Variants in IL34 observed in about 807,000 individuals in gnomAD.
The protein encoded by IL34 is interleukin-34.
A neutral mutation model predicts 25.3 loss-of-function variants in IL34; 17 were observed. The ratio of observed to expected loss-of-function variants is 0.67; its 90% CI spans 0.46 to 1.01. The LOEUF is 1.01. Among genes scored for constraint, IL34 ranks in the 50% least tolerant of loss-of-function variants. The pLI is 0.00. For missense variants in IL34, 368 were observed against 312.9 expected, an observed-to-expected ratio of 1.18 and a Z score of -1.33; for synonymous variants, 174 against 140.9, an observed-to-expected ratio of 1.23 and a Z score of -1.66.
At chr16:70,581,469 C>G (rs1035768698) in intron 1 of IL34, among the ~76,000 whole-genome samples, 10 of 150,324 alleles carry the variant, frequency 6.7e-5, no homozygotes, top group Admixed American at 5.3e-4. Context: ...TATTCTGCAT[C>G]CAGAATGAAT....
At chr16:70,621,436 T>A (rs908844478) in intron 1 of IL34, among the ~76,000 whole-genome samples, 1 of 150,940 alleles carries the variant, frequency 6.6e-6, no homozygotes, top group Non-Finnish European at 1.5e-5. Context: ...GTGAGAGAGG[T>A]TGGAGAAGAG....
chr16:70,628,497 T>TTTATTTATTTA (rs57128087), intron 1 of IL34, among the ~76,000 whole-genome samples: 86 of 149,454 alleles, frequency 5.8e-4, no homozygotes, highest in Admixed American at 1.8e-3. Context: ...TTATTTATTT[T>TTTATTTATTTA]TTTTTTTGAG....
chr16:70,629,949 T>C (rs74435681), intron 1 of IL34, among the ~76,000 whole-genome samples: 6,814 of 152,226 alleles, frequency 0.045, 396 homozygotes, highest in African/African-American at 0.13. Context: ...CTAGCTCTTA[T>C]TCATTCTGTC....
chr16:70,615,106 C>T (rs368714890), intron 1 of IL34, among the ~76,000 whole-genome samples: 5 of 152,138 alleles, frequency 3.3e-5, no homozygotes, highest in African/African-American at 7.2e-5. Flanking sequence ...CCCCTGTTAC[C>T]CCCCAAATCT....
At chr16:70,652,920 A>T (rs1318411693) in intron 1 of IL34, among the ~76,000 whole-genome samples, 1 of 152,174 alleles carries the variant, frequency 6.6e-6, no homozygotes, top group Non-Finnish European at 1.5e-5. Context: ...AGCTGGGTGT[A>T]TGACCGGGCA....
chr16:70,624,960 G>C (rs575014330), intron 1 of IL34, among the ~76,000 whole-genome samples: 7 of 152,178 alleles, frequency 4.6e-5, no homozygotes, highest in African/African-American at 1.7e-4. Flanking sequence ...ATTGGGCACA[G>C]AGACTAGGAA....
At chr16:70,657,304 C>T in intron 4 of IL34, 183 bp downstream of exon 4, 1 of 621,122 alleles carries the variant, frequency 1.6e-6, no homozygotes, top group South Asian at 2.0e-5. Context: ...AAGGAAGAGG[C>T]AGCCGTGGTG....
At chr16:70,614,422 AG>A (rs2051143252) in intron 1 of IL34, among the ~76,000 whole-genome samples, 1 of 152,106 alleles carries the variant, frequency 6.6e-6, no homozygotes, top group African/African-American at 2.4e-5. Context: ...TGTCTGAGGG[AG>A]GGGCCTGGAG....
At chr16:70,600,227 A>G (rs1597739823) in intron 1 of IL34, among the ~76,000 whole-genome samples, 2 of 150,984 alleles carry the variant, frequency 1.3e-5, no homozygotes, top group Non-Finnish European at 3.0e-5. Context: ...ACCCCTCTCT[A>G]CCCCCTGCCA....
intron 1 of IL34, among the ~76,000 whole-genome samples, chr16:70,594,219 C>T (rs750147637): frequency 5.3e-5 from 8 of 152,188 alleles, no homozygotes; most frequent in Admixed American, 2.0e-4. Context: ...GAACAACCAT[C>T]TTAACAATAT....
intron 1 of IL34, among the ~76,000 whole-genome samples, chr16:70,610,404 T>C (rs1000231950): frequency 5.9e-5 from 9 of 152,170 alleles, no homozygotes; most frequent in African/African-American, 2.2e-4. Context: ...TGCTGGAATT[T>C]TGGCATCTGG....
intron 1 of IL34, among the ~76,000 whole-genome samples, chr16:70,651,157 A>G (rs1295564997): frequency 1.3e-5 from 2 of 152,030 alleles, no homozygotes; most frequent in Admixed American, 1.3e-4. Flanking sequence ...GCTGATGCAG[A>G]AAGGGGAGAC....
At chr16:70,657,279 A>G (rs2052256268) in intron 4 of IL34, 158 bp downstream of exon 4, 2 of 749,336 alleles carry the variant, frequency 2.7e-6, no homozygotes, top group Non-Finnish European at 2.1e-6. Context: ...GGGGTGCAGG[A>G]AAAGAGGCCT....
Position 70,585,711 on chromosome 16 carries a change from T to TTTTAGAGA in IL34, c.-401+5663_-401+5670dup, listed in dbSNP as rs2050686239. 2.0e-5 allele frequency among the ~76,000 whole-genome samples: 3 copies of TTTTAGAGA among 151,610 alleles called. No individual in the cohort carries two copies. The South Asian group carries it at 6.3e-4, about 32-fold the overall frequency. Reference sequence around the variant, plus strand: ...CTTAAAAAAAAAAAAATTTTTTTTTTTTTAGAGACAGGGTCTCCCTATGTT... The same window carrying TTTTAGAGA: ...CTTAAAAAAAAAAAAATTTTTTTTTTTTTAGAGATTTAGAGACAGGGTCTCCCTATGTT... On this transcript the variant is annotated intron_variant, in intron 1 of 6. Transcript: ENST00000429149.
intron 1 of IL34, among the ~76,000 whole-genome samples, chr16:70,602,151 T>C (rs2050927889): frequency 6.6e-6 from 1 of 152,224 alleles, no homozygotes; most frequent in East Asian, 1.9e-4. Context: ...ATGGTTGCAG[T>C]GAGCCGTGGA....
intron 1 of IL34, among the ~76,000 whole-genome samples, chr16:70,587,561 G>A (rs2050709420): frequency 6.6e-6 from 1 of 151,860 alleles, no homozygotes; most frequent in South Asian, 2.1e-4. Flanking sequence ...GTGAGCCACC[G>A]CGCCCCGCTG....
chr16:70,626,721 C>A (rs956384696), intron 1 of IL34, among the ~76,000 whole-genome samples: 1 of 151,802 alleles, frequency 6.6e-6, no homozygotes, highest in Non-Finnish European at 1.5e-5. Flanking sequence ...CCTATGTTTT[C>A]TTCTATTATT....
At chr16:70,640,998 G>C (rs8064220) in intron 1 of IL34, among the ~76,000 whole-genome samples, 23 of 152,010 alleles carry the variant, frequency 1.5e-4, no homozygotes, top group Non-Finnish European at 2.4e-4. Flanking sequence ...TTGCCTGGGC[G>C]TGGTGGCTCA....
At chr16:70,644,060 C>T (rs553523885), upstream of IL34, among the ~76,000 whole-genome samples, 32 of 152,226 alleles carry the variant, frequency 2.1e-4, 1 homozygote, top group South Asian at 2.1e-3. Flanking sequence ...CTGCAACCTC[C>T]GCCTCCTGGG....
Sources: allele counts gnomAD v4.1 joint callset (sites outside exome capture counted in the v4.1 genomes callset), GRCh38; gene constraint gnomAD v4.1.1; transcripts MANE v1.5; gene names NCBI Gene and HGNC (gene_info 2026-07-23, HGNC 2026-07-21).